ARNT: variants seen among roughly 807,000 people sequenced by gnomAD.
ARNT encodes the protein aryl hydrocarbon receptor nuclear translocator, also known as class E basic helix-loop-helix protein 2.
ARNT carries 30 observed loss-of-function variants against 105.0 expected under a neutral mutation model. The ratio of observed to expected loss-of-function variants is 0.29; its 90% confidence interval spans 0.21 to 0.39. ARNT has a LOEUF of 0.39. ARNT is among the 10% of genes least tolerant of loss of function. The probability of loss-of-function intolerance (pLI) is 1.00; values close to 1 mark genes in which losing one functional copy is unlikely to be tolerated. For synonymous variants in ARNT, 304 were observed against 344.0 expected (o/e 0.88, Z 1.29); for missense variants, 748 against 978.7 (o/e 0.76, Z 3.15).
chr1:150,816,932 T>A, intron 17 of ARNT, 42 bp from the exon 18 acceptor site: 1 of 1,603,286 alleles, frequency 6.2e-7, no homozygotes, highest in Non-Finnish European at 8.5e-7. Context: ...GTCAAGGGGC[T>A]GTAGTATATT....
intron 13 of ARNT, among the ~76,000 whole-genome samples, chr1:150,826,260 G>A (rs1389242899): frequency 6.6e-6 from 1 of 152,184 alleles, no homozygotes; most frequent in African/African-American, 2.4e-5. Flanking sequence ...TTGGGCGCAT[G>A]AGCCACCATG....
intron 1 of ARNT, among the ~76,000 whole-genome samples, chr1:150,860,218 C>CTTTTTTTTTT (rs756996050): frequency 2.7e-5 from 3 of 112,996 alleles, no homozygotes; most frequent in Admixed American, 1.0e-4. Flanking sequence ...AAAAAAAATT[C>CTTTTTTTTTT]TTTTTTTTTT....
At chr1:150,871,779 G>A (rs587708407) in intron 1 of ARNT, among the ~76,000 whole-genome samples, 117 of 150,350 alleles carry the variant, frequency 7.8e-4, no homozygotes, top group African/African-American at 2.4e-3. Context: ...GTGATGGCAG[G>A]TGCCTGTAAT....
chr1:150,834,613 G>A lies in ARNT; in HGVS notation c.728C>T (p.Thr243Ile), dbSNP rs1659946851. Residue 243 changes from threonine to isoleucine, a missense_variant, in exon 8 of 22, where the codon ACA becomes ATA. Thr to Ile is a moderately conservative substitution (Grantham distance 89). Coordinates refer to ENST00000358595, the MANE Select transcript of ARNT (RefSeq NM_001668.4). ...TGRILDLKTG[T>I]VKKEGQQSSM... ...AGACTGCTGACCTTCCTTTTTCACT[G>A]TTCCAGTCTTTAGATCCAGGATACG... is the stretch of plus-strand genomic sequence containing the variant. 6.2e-7 allele frequency: 1 copy of A among 1,613,814 alleles called. No homozygotes were observed. The highest frequency in any genetic ancestry group is 8.5e-7 in the Non-Finnish European group (1 of 1,179,930).
At chr1:150,848,979 G>A (rs1235292488) in intron 3 of ARNT, among the ~76,000 whole-genome samples, 4 of 152,204 alleles carry the variant, frequency 2.6e-5, no homozygotes, top group Admixed American at 6.5e-5. Flanking sequence ...CGAGGTGGGC[G>A]GATCACCTGA....
At chr1:150,846,687 TATTCAC>T (rs777374102) in intron 3 of ARNT, among the ~76,000 whole-genome samples, 16 of 152,196 alleles carry the variant, frequency 1.1e-4, no homozygotes, top group Non-Finnish European at 1.9e-4. Context: ...GTGCTAACCA[TATTCAC>T]ATTGTTGTGC....
chr1:150,840,240 C>CA (rs942661256), intron 5 of ARNT, among the ~76,000 whole-genome samples: 134 of 139,446 alleles, frequency 9.6e-4, no homozygotes, highest in Non-Finnish European at 1.5e-3. Flanking sequence ...GACTCCATTT[C>CA]AAAAAAAAAC....
intron 11 of ARNT, 132 bp from the exon 12 acceptor site, chr1:150,829,359 C>T: frequency 3.1e-6 from 3 of 975,890 alleles, no homozygotes; most frequent in Non-Finnish European, 4.5e-6. Flanking sequence ...ACATTTTATC[C>T]AAAAAGGAAA....
intron 12 of ARNT, 71 bp downstream of exon 12, chr1:150,829,022 G>T: frequency 6.4e-7 from 1 of 1,561,428 alleles, no homozygotes; most frequent in South Asian, 1.2e-5. Flanking sequence ...GCTGTCTTAG[G>T]AACTACATGA....
Position 150,854,685 on chromosome 1 carries a change from C to T in ARNT, c.138-1879G>A, listed in dbSNP as rs587690982. On this transcript the variant is annotated intron_variant, in intron 2 of 21. Transcript: ENST00000358595. ...CAGCCCAGTCAACATGGTGAAACCTCGTCTCTACTAAAAATACAAAAATTA... is the reference window on the plus strand; with the variant it reads ...CAGCCCAGTCAACATGGTGAAACCTTGTCTCTACTAAAAATACAAAAATTA... Among the ~76,000 whole-genome samples the T allele has an allele frequency of 6.0e-4, 91 of 151,882 alleles. 1 individual carries two copies. Among genetic ancestry groups the T allele is most frequent in the African/African-American group, 2.0e-3 (84 of 41,408 alleles).
intron 2 of ARNT, among the ~76,000 whole-genome samples, chr1:150,855,056 A>G (rs1044639119): frequency 6.6e-6 from 1 of 152,130 alleles, no homozygotes; most frequent in Non-Finnish European, 1.5e-5. Flanking sequence ...TCAGCCTCCC[A>G]AAGTGCTGGC....
intron 14 of ARNT, chr1:150,818,440 A>T (rs150570226): frequency 1.3e-5 from 2 of 153,094 alleles, no homozygotes; most frequent in Non-Finnish European, 2.9e-5. Context: ...CATTTTCTAT[A>T]AAGAATATTT....
intron 4 of ARNT, among the ~76,000 whole-genome samples, chr1:150,844,902 C>A (rs1282349302): frequency 1.3e-5 from 2 of 151,560 alleles, no homozygotes; most frequent in Middle Eastern, 3.2e-3. Context: ...CTCCACCTCC[C>A]GGGCTCATGC....
At chr1:150,844,172 T>A (rs587625203) in intron 4 of ARNT, among the ~76,000 whole-genome samples, 1 of 152,308 alleles carries the variant, frequency 6.6e-6, no homozygotes, top group South Asian at 2.1e-4. Flanking sequence ...ATGGTTCACA[T>A]CCTAAAGACT....
intron 3 of ARNT, among the ~76,000 whole-genome samples, chr1:150,849,828 G>A (rs1353465671): frequency 6.6e-6 from 1 of 152,168 alleles, no homozygotes; most frequent in East Asian, 1.9e-4. Flanking sequence ...CCTTTGGGAA[G>A]CTGAGGCAGG....
At chr1:150,819,876 C>T (rs1656706559) in intron 14 of ARNT, among the ~76,000 whole-genome samples, 1 of 151,884 alleles carries the variant, frequency 6.6e-6, no homozygotes, top group Non-Finnish European at 1.5e-5. Context: ...ATGTGATATA[C>T]TAAAAAACAC....
chr1:150,842,531 G>A (rs1661477093), intron 4 of ARNT, 63 bp from the exon 5 acceptor site: 1 of 1,448,956 alleles, frequency 6.9e-7, no homozygotes, highest in South Asian at 1.2e-5. Flanking sequence ...GAAGGGGGGA[G>A]GGAGGAAGGG....
Position 150,876,547 on chromosome 1 carries a change from G to C in ARNT, c.21C>G (p.Asn7Lys), listed in dbSNP as rs747271228. 142 of 1,550,456 alleles carry C rather than the reference G, an allele frequency of 9.2e-5. No homozygotes were observed. The highest frequency in any genetic ancestry group is 1.2e-4 in the Non-Finnish European group (139 of 1,147,770). MAATTA[N>K]PEMTSDVPSL... is the part of the protein sequence containing the mutation. The stretch of plus-strand genomic sequence containing the variant: ...CCCAGTCCTCCGTCTCCTCACCGGG[G>C]TTGGCAGTAGTCGCCGCCATGGCCG... The change falls in exon 1 of 22, where the codon AAC (asparagine) becomes AAG (lysine). Residue 7 changes from asparagine (N) to lysine (K), a missense_variant. This residue lies in a region of ARNT where 93 missense variants were observed against 101.6 expected (regional missense o/e 0.92). Coordinates refer to ENST00000358595, the MANE Select transcript of ARNT (RefSeq NM_001668.4).
rs10305717 is a variant in ARNT, at chr1:150,826,281, T to C, written c.1242+262A>G. Among the ~76,000 whole-genome samples the C allele has an allele frequency of 1.0e-3, 158 of 152,298 alleles. 1 individual carries two copies. The highest frequency in any genetic ancestry group is 3.7e-3 in the African/African-American group (154 of 41,568). On this transcript the variant is annotated intron_variant, in intron 13 of 21. Coordinates refer to ENST00000358595, the MANE Select transcript of ARNT (RefSeq NM_001668.4). The stretch of plus-strand genomic sequence containing the variant: ...GCATGAGCCACCATGCCTGGCGCAA[T>C]AGTTTAAATACCTTAAAGACAGCTC...
Sources: allele counts gnomAD v4.1 joint callset (sites outside exome capture counted in the v4.1 genomes callset), GRCh38; gene constraint gnomAD v4.1.1; regional missense constraint gnomAD v4.1.1; transcripts MANE v1.5; gene names NCBI Gene and HGNC (gene_info 2026-07-23, HGNC 2026-07-21).